EEPD1: variants seen among roughly 807,000 people sequenced by gnomAD.
EEPD1 encodes endonuclease/exonuclease/phosphatase family domain-containing protein 1.
A neutral mutation model predicts 46.3 loss-of-function variants in EEPD1; 17 were observed. The ratio of observed to expected loss-of-function variants is 0.37; its 90% CI spans 0.25 to 0.55. EEPD1 has a LOEUF of 0.55. Among genes scored for constraint, EEPD1 ranks in the 20% least tolerant of loss-of-function variants. The pLI, the probability that EEPD1 is intolerant of heterozygous loss-of-function variation, is 0.83. For synonymous variants in EEPD1, 313 were observed against 315.6 expected (o/e 0.99, Z 0.09); for missense variants, 673 against 745.6 (o/e 0.90, Z 1.13).
chr7:36,244,606 A>G (rs996492165), intron 3 of EEPD1, among the ~76,000 whole-genome samples: 12 of 152,008 alleles, frequency 7.9e-5, no homozygotes, highest in African/African-American at 2.9e-4. Flanking sequence ...GGAGGTTCCC[A>G]ATTGGCAGAG....
At chr7:36,218,791 G>A (rs1465999153) in intron 2 of EEPD1, among the ~76,000 whole-genome samples, 2 of 152,108 alleles carry the variant, frequency 1.3e-5, no homozygotes, top group African/African-American at 4.8e-5. Context: ...TGTAAAGTTG[G>A]GCCTTAGAAA....
intron 2 of EEPD1, among the ~76,000 whole-genome samples, chr7:36,220,613 G>A (rs185007705): frequency 1.4e-4 from 21 of 152,206 alleles, no homozygotes; most frequent in Non-Finnish European, 2.2e-4. Context: ...ATTTGGCCCC[G>A]TTGTCCTCAT....
intron 2 of EEPD1, among the ~76,000 whole-genome samples, chr7:36,178,825 G>A (rs1276661355): frequency 6.6e-6 from 1 of 152,210 alleles, no homozygotes; most frequent in African/African-American, 2.4e-5. Flanking sequence ...GTGATGAGTT[G>A]CCTTCCTGTC....
chr7:36,182,112 G>A (rs980576627), intron 2 of EEPD1, among the ~76,000 whole-genome samples: 3 of 152,206 alleles, frequency 2.0e-5, no homozygotes, highest in Non-Finnish European at 2.9e-5. Flanking sequence ...GCATCGCAGC[G>A]TTGGTTGTGG....
intron 2 of EEPD1, among the ~76,000 whole-genome samples, chr7:36,228,286 G>A (rs1786262100): frequency 2.0e-5 from 3 of 152,260 alleles, no homozygotes; most frequent in Admixed American, 6.5e-5. Flanking sequence ...CCCGCACTTC[G>A]GGAGGTTGAG....
At chr7:36,284,548 G>A (rs1227877053) in intron 4 of EEPD1, 138 bp from the exon 5 acceptor site, 6 of 1,060,748 alleles carry the variant, frequency 5.7e-6, no homozygotes, top group South Asian at 1.7e-5. Flanking sequence ...TGTGGCTTTC[G>A]TGGTGTGCTT....
intron 3 of EEPD1, among the ~76,000 whole-genome samples, chr7:36,267,335 CAGGCCTCTGCAAGATCA>C (rs1787038446): frequency 1.3e-5 from 2 of 152,172 alleles, no homozygotes; most frequent in African/African-American, 4.8e-5. Context: ...CCTGCATGGC[CAGGCCTCTGCAAGATCA>C]TCTCCCCACC....
intron 2 of EEPD1, among the ~76,000 whole-genome samples, chr7:36,221,710 A>G (rs903276012): frequency 6.6e-6 from 1 of 152,252 alleles, no homozygotes; most frequent in Non-Finnish European, 1.5e-5. Context: ...GGTAAGAATC[A>G]TGTATGAGGT....
At chr7:36,239,086 C>T (rs766910862) in intron 3 of EEPD1, 50 bp downstream of exon 3, 1 of 1,577,206 alleles carries the variant, frequency 6.3e-7, no homozygotes, top group Admixed American at 1.8e-5. Flanking sequence ...AACGGAGGGC[C>T]ACACATAAGA....
rs768898390 is a variant in EEPD1 at position 36,272,503 on chromosome 7, G to GTTTTTTTTTTTTT, written c.931-8610_931-8609insTTTTTTTTTTTTT. 4.9e-5 allele frequency among the ~76,000 whole-genome samples: 6 copies of GTTTTTTTTTTTTT among 122,668 alleles called. 1 individual carries two copies. The highest frequency in any genetic ancestry group is 9.4e-5 in the African/African-American group (3 of 31,780). The allele number at this position is 122,668 out of a possible 152,430, so 80.5% of individuals were successfully genotyped here. A position where few individuals can be genotyped will look rare whatever the true frequency, so the allele number is the denominator to read the frequency against. On this transcript the variant is annotated intron_variant, in intron 3 of 7. Coordinates refer to ENST00000242108, the MANE Select transcript of EEPD1 (RefSeq NM_030636.3). ...TGCAAGGTTTTTCTGGTTTTTTGTTGTTGTTTTTTTTTTTTTTTTGTGCTC... is the reference window on the plus strand; with the variant it reads ...TGCAAGGTTTTTCTGGTTTTTTGTTGTTTTTTTTTTTTTTTGTTTTTTTTTTTTTTTTGTGCTC...
intron 2 of EEPD1, among the ~76,000 whole-genome samples, chr7:36,197,902 T>TA (rs1296649528): frequency 6.7e-6 from 1 of 149,572 alleles, no homozygotes; most frequent in Non-Finnish European, 1.5e-5. Context: ...AAAAAAAAAA[T>TA]AAAAAAATAA....
intron 3 of EEPD1, among the ~76,000 whole-genome samples, chr7:36,240,522 C>CT (rs925292321): frequency 3.3e-5 from 5 of 152,138 alleles, no homozygotes; most frequent in African/African-American, 7.2e-5. Context: ...CCAAAGCACT[C>CT]TACTCATTAT....
At chr7:36,236,402 A>C (rs560687461) in intron 2 of EEPD1, among the ~76,000 whole-genome samples, 11 of 152,316 alleles carry the variant, frequency 7.2e-5, no homozygotes, top group African/African-American at 2.6e-4. Context: ...GCTTGATCGG[A>C]GGCTGAATCC....
At chr7:36,197,070 T>G (rs1247222409) in intron 2 of EEPD1, among the ~76,000 whole-genome samples, 1 of 147,540 alleles carries the variant, frequency 6.8e-6, no homozygotes. Context: ...CACGACCCCG[T>G]CTGGGAGGTG....
chr7:36,251,816 A>G lies in EEPD1; in HGVS notation c.930+12780A>G, dbSNP rs560323024. ...TTCTAGTATTAAAAAGTATTATGAA[A>G]TAATTTTATGTAGAATTTAAAATTA... On this transcript the variant is annotated intron_variant, in intron 3 of 7. Transcript: ENST00000242108. Among the ~76,000 whole-genome samples the G allele has an allele frequency of 2.8e-3, 428 of 152,358 alleles. 1 individual carries two copies. Among genetic ancestry groups the G allele is most frequent in the Admixed American group, 5.9e-3 (91 of 15,298 alleles).
intron 2 of EEPD1, among the ~76,000 whole-genome samples, chr7:36,217,555 C>T (rs1212897417): frequency 4.6e-5 from 7 of 152,192 alleles, no homozygotes; most frequent in South Asian, 2.1e-4. Context: ...GCCTAACCTC[C>T]TGGGAATACA....
At chr7:36,158,947 C>T (rs1398504034) in intron 2 of EEPD1, among the ~76,000 whole-genome samples, 1 of 152,190 alleles carries the variant, frequency 6.6e-6, no homozygotes, top group East Asian at 1.9e-4. Context: ...CTGTGGCCTA[C>T]ATAAGAAGAG....
At chr7:36,269,069 G>GT (rs1787065180) in intron 3 of EEPD1, among the ~76,000 whole-genome samples, 2 of 152,280 alleles carry the variant, frequency 1.3e-5, no homozygotes, top group South Asian at 4.1e-4. Context: ...GTCTGCATGG[G>GT]TTTGTTTAAA....
intron 2 of EEPD1, among the ~76,000 whole-genome samples, chr7:36,221,874 C>T (rs1414195950): frequency 6.6e-6 from 1 of 152,164 alleles, no homozygotes. Context: ...AATCCAATCT[C>T]TGATCAAATG....
Sources: allele counts gnomAD v4.1 joint callset (sites outside exome capture counted in the v4.1 genomes callset), GRCh38; gene constraint gnomAD v4.1.1; transcripts MANE v1.5; gene names NCBI Gene and HGNC (gene_info 2026-07-23, HGNC 2026-07-21).